Variants in USH1C observed in about 807,000 individuals in gnomAD.
USH1C encodes the protein harmonin.
USH1C carries 90 observed loss-of-function variants against 119.3 expected under a neutral mutation model. That is an observed-to-expected ratio of 0.75 (90% CI 0.64 to 0.90). USH1C has a LOEUF of 0.90. USH1C is among the 40% of genes least tolerant of loss of function. USH1C has a pLI of 0.00. For missense variants in USH1C, 1,165 were observed against 1,167.7 expected (o/e 1.00, Z 0.03); for synonymous variants, 465 against 443.3 (o/e 1.05, Z -0.62).
At chr11:17,530,270 TA>T (rs965305967) in intron 4 of USH1C, among the ~76,000 whole-genome samples, 30 of 152,244 alleles carry the variant, frequency 2.0e-4, no homozygotes, top group African/African-American at 7.2e-4. Context: ...TGGGCTCAGG[TA>T]GGAGTGAGAC....
At chr11:17,510,333 C>T (rs1198748079) in intron 17 of USH1C, 72 bp downstream of exon 17, 1 of 1,303,338 alleles carries the variant, frequency 7.7e-7, no homozygotes, top group Non-Finnish European at 1.1e-6. Flanking sequence ...GTCATCTCAC[C>T]TCCCGCTGTC....
intron 21 of USH1C, 134 bp downstream of exon 21, chr11:17,501,805 A>G: frequency 9.4e-7 from 1 of 1,066,916 alleles, no homozygotes; most frequent in Non-Finnish European, 1.4e-6. Context: ...CAGCTGGGGC[A>G]TCACTGGGGC....
rs1849436017 is a variant in USH1C, at chr11:17,501,339, G to T, written c.2280+143C>A. Reference sequence around the variant, plus strand: ...TGGGTATGCGGCCCTACAACAGAGGGGCGTCTCCGTGGGAGAGGGGAGGAC... The same window carrying T: ...TGGGTATGCGGCCCTACAACAGAGGTGCGTCTCCGTGGGAGAGGGGAGGAC... On this transcript the variant is annotated intron_variant, in intron 22 of 26. Transcript: ENST00000005226. 2.7e-6 allele frequency: 3 copies of T among 1,117,396 alleles called. No homozygotes were observed. The African/African-American group carries it at 4.7e-5, about 17-fold the overall frequency. The allele number at this position is 1,117,396 out of a possible 1,614,324, so 69.2% of individuals were successfully genotyped here.
intron 4 of USH1C, 41 bp from the exon 5 acceptor site, chr11:17,527,372 G>T (rs746701237): frequency 1.3e-6 from 2 of 1,507,688 alleles, no homozygotes; most frequent in African/African-American, 1.4e-5. Flanking sequence ...GGTGGAGGGA[G>T]CATCAGGCAG....
At chr11:17,527,367 A>C (rs745390895) in intron 4 of USH1C, 36 bp from the exon 5 acceptor site, 1 of 1,521,628 alleles carries the variant, frequency 6.6e-7, no homozygotes, top group Non-Finnish European at 9.1e-7. Flanking sequence ...CACCAGGTGG[A>C]GGGAGCATCA....
chr11:17,501,294 C>T, intron 22 of USH1C, 144 bp from the exon 23 acceptor site: 1 of 1,038,850 alleles, frequency 9.6e-7, no homozygotes, highest in Non-Finnish European at 1.5e-6. Flanking sequence ...GAAAACGCAG[C>T]CTTGGTGCCA....
intron 8 of USH1C, among the ~76,000 whole-genome samples, chr11:17,525,938 T>G (rs1377063921): frequency 6.6e-6 from 1 of 152,200 alleles, no homozygotes; most frequent in Non-Finnish European, 1.5e-5. Flanking sequence ...CGGTGCTTCA[T>G]GCCTCTAATC....
At chr11:17,529,033 C>A (rs1161320183) in intron 4 of USH1C, among the ~76,000 whole-genome samples, 1 of 152,194 alleles carries the variant, frequency 6.6e-6, no homozygotes, top group African/African-American at 2.4e-5. Context: ...CCCTGATCGA[C>A]AAGTGGTGTC....
intron 1 of USH1C, among the ~76,000 whole-genome samples, chr11:17,537,286 TA>T (rs1851267606): frequency 1.3e-5 from 2 of 152,240 alleles, no homozygotes; most frequent in African/African-American, 4.8e-5. Context: ...GCCCCTGCTC[TA>T]GGGTGCTTTG....
At chr11:17,516,768 C>T (rs1189437053) in intron 14 of USH1C, 2 of 266,250 alleles carry the variant, frequency 7.5e-6, no homozygotes, top group Admixed American at 9.9e-5. Flanking sequence ...ACTGGCTTGT[C>T]TCATAGTGCA....
intron 14 of USH1C, 118 bp from the exon 15 acceptor site, chr11:17,516,408 T>C (rs1850146787): frequency 6.7e-6 from 7 of 1,047,192 alleles, no homozygotes; most frequent in Non-Finnish European, 1.0e-5. Context: ...TAAACAGCAT[T>C]GGCAGATCCG....
At position 17,494,342 on chromosome 11, in the gene USH1C, AT is replaced by A. The variant is rs1215017580; in HGVS notation, c.2689del (p.Ile897PhefsTer7). The A allele has an allele frequency of 2.5e-6, 4 of 1,607,832 alleles. No homozygotes were observed. Among genetic ancestry groups the A allele is most frequent in the African/African-American group, 1.3e-5 (1 of 74,818 alleles). ...GGAGCTCACTGTTTCCTAACGGTGA[AT>A]TTGGTTTCCCCTTTTGGACTTCAGA... Reference protein sequence around the residue: ...LLLKSKRGNQIHR With the variant: ...LLLKSKRGNQXHR On this transcript the variant is annotated frameshift_variant, in exon 27 of 27. Transcript: ENST00000005226. LOFTEE classifies it high-confidence loss of function.
At chr11:17,521,716 C>T (rs1328721933) in intron 12 of USH1C, among the ~76,000 whole-genome samples, 3 of 152,164 alleles carry the variant, frequency 2.0e-5, no homozygotes, top group East Asian at 1.9e-4. Context: ...TGATGACAGG[C>T]GGGGCCTGGA....
chr11:17,520,038 G>A (rs951966178), intron 14 of USH1C, among the ~76,000 whole-genome samples: 1 of 152,210 alleles, frequency 6.6e-6, no homozygotes, highest in African/African-American at 2.4e-5. Flanking sequence ...AGCTGGAGTA[G>A]GACCTGTCCT....
At chr11:17,521,553 G>A in intron 12 of USH1C, 142 bp from the exon 13 acceptor site, 1 of 820,064 alleles carries the variant, frequency 1.2e-6, no homozygotes. Context: ...TTTGGTTTTG[G>A]GGGACGTTAT....
chr11:17,522,927 C>T lies in USH1C; in HGVS notation c.877-1G>A, dbSNP rs771279169. On this transcript the variant is annotated splice_acceptor_variant, in intron 11 of 26. Transcript: ENST00000005226. LOFTEE classifies it high-confidence loss of function. ...GGTCTGTCATGAACAGCTCCCGGCCCTCATGGGAGAAAAGAGGCCCCTTGC... is the reference window on the plus strand; with the variant it reads ...GGTCTGTCATGAACAGCTCCCGGCCTTCATGGGAGAAAAGAGGCCCCTTGC... 6 of 1,610,604 alleles carry T rather than the reference C, an allele frequency of 3.7e-6. No individual in the cohort carries two copies. The highest frequency in any genetic ancestry group is 5.1e-6 in the Non-Finnish European group (6 of 1,178,720).
chr11:17,495,672 G>T lies in USH1C; in HGVS notation c.2552C>A (p.Ser851Tyr). 1 of 1,614,194 alleles carries T rather than the reference G, an allele frequency of 6.2e-7. No homozygotes were observed. Among genetic ancestry groups the T allele is most frequent in the Non-Finnish European group, 8.5e-7 (1 of 1,180,024 alleles). The part of the protein sequence containing the change: ...PPKEYDDELA[S>Y]LPSSVAESPQ... ...GCTTTCAGCTACGGAGGAGGGAAGA[G>T]AAGCTCTATATATACAGAGCAGAGC... Residue 851 changes from serine (S) to tyrosine (Y), a missense_variant, in exon 26 of 27, where the codon TCT (serine) becomes TAT (tyrosine). Transcript: ENST00000005226.
intron 1 of USH1C, 140 bp downstream of exon 1, chr11:17,544,132 C>G (rs1357440846): frequency 1.9e-6 from 2 of 1,080,380 alleles, no homozygotes; most frequent in African/African-American, 3.1e-5. Context: ...GCCAGCCAGA[C>G]GACCCTCGGG....
At chr11:17,499,624 G>A (rs1849363543) in intron 23 of USH1C, among the ~76,000 whole-genome samples, 1 of 152,200 alleles carries the variant, frequency 6.6e-6, no homozygotes, top group Non-Finnish European at 1.5e-5. Context: ...AAGAAGGTGG[G>A]GCCTGGGTGG....
Sources: gnomAD v4.1 joint callset for allele counts (sites outside exome capture counted in the v4.1 genomes callset) on GRCh38, gnomAD v4.1.1 for gene constraint, MANE v1.5 for transcripts, NCBI Gene and HGNC (gene_info 2026-07-23, HGNC 2026-07-21) for gene names.